The following HIBCH variants were observed in gnomAD, a reference collection of about 807,000 sequenced individuals.
HIBCH encodes 3-hydroxyisobutyryl-CoA hydrolase, also known as 3-hydroxyisobutyryl-CoA hydrolase, mitochondrial.
A neutral mutation model predicts 58.2 loss-of-function variants in HIBCH; 50 were observed. The observed-to-expected ratio is 0.86, with a 90% CI of 0.68 to 1.09. The LOEUF is 1.09. HIBCH is among the 50% of genes least tolerant of loss of function. HIBCH has a pLI of 0.00. For synonymous variants in HIBCH, 151 were observed against 146.9 expected, an observed-to-expected ratio of 1.03 and a Z score of -0.20; for missense variants, 450 against 449.7, an observed-to-expected ratio of 1.00 and a Z score of -0.01.
intron 6 of HIBCH, among the ~76,000 whole-genome samples, chr2:190,274,472 T>C (rs1186081435): frequency 1.3e-5 from 2 of 152,206 alleles, no homozygotes; most frequent in Non-Finnish European, 2.9e-5. Flanking sequence ...TCATTATTTT[T>C]ATTCCATTCC....
In HIBCH at chr2:190,313,666, G is replaced by GAAAAAAT. The variant is rs1688617991; in HGVS notation, c.36-2871_36-2870insATTTTTT. 8.9e-5 allele frequency among the ~76,000 whole-genome samples: 2 copies of GAAAAAAT among 22,474 alleles called. 1 individual carries two copies. The highest frequency in any genetic ancestry group is 3.3e-4 in the African/African-American group (2 of 6,116). 14.7% of individuals were successfully genotyped at this position (22,474 alleles called of 152,430 possible). A position where few individuals can be genotyped will look rare whatever the true frequency, so the allele number is the denominator to read the frequency against. On this transcript the variant is annotated intron_variant, in intron 1 of 13. Coordinates refer to ENST00000359678, the MANE Select transcript of HIBCH (RefSeq NM_014362.4). ...CACAAAAAAAAAAAAAAAAAAAAAG[G>GAAAAAAT]AATCACCTGGAGACTGCTAAAAATT...
At position 190,217,426 on chromosome 2, in the gene HIBCH, G is replaced by A. The variant is rs1685587462; in HGVS notation, c.892-4351C>T. ...TTGAACCCAGGAGATGGAGGTTGCA[G>A]TGAGTTGAGATCACACACTGCACTC... On this transcript the variant is annotated intron_variant, in intron 11 of 13. Coordinates refer to ENST00000359678, the MANE Select transcript of HIBCH (RefSeq NM_014362.4). The surrounding 1 kb of genome is among the most constrained non-coding windows in gnomAD (Gnocchi z 4.6). Among the ~76,000 whole-genome samples the A allele has an allele frequency of 1.3e-5, 2 of 152,160 alleles. No individual in the cohort carries two copies. The highest frequency in any genetic ancestry group is 4.8e-5 in the African/African-American group (2 of 41,424).
chr2:190,317,735 T>C (rs1329119974), intron 1 of HIBCH, among the ~76,000 whole-genome samples: 1 of 152,094 alleles, frequency 6.6e-6, no homozygotes, highest in Non-Finnish European at 1.5e-5. Flanking sequence ...AGAACTTAGG[T>C]AAGTTTGAGA....
intron 11 of HIBCH, among the ~76,000 whole-genome samples, chr2:190,220,793 T>C (rs1685697465): frequency 6.6e-6 from 1 of 152,034 alleles, no homozygotes; most frequent in African/African-American, 2.4e-5. Flanking sequence ...TGGAAGAACT[T>C]CATTGACAAT....
intron 2 of HIBCH, among the ~76,000 whole-genome samples, chr2:190,302,625 G>C (rs145841113): frequency 6.6e-6 from 1 of 152,264 alleles, no homozygotes; most frequent in East Asian, 1.9e-4. Flanking sequence ...TTAACTCTTA[G>C]GGAAGAAAGA....
intron 11 of HIBCH, among the ~76,000 whole-genome samples, chr2:190,240,682 T>C (rs532236215): frequency 1.3e-5 from 2 of 152,354 alleles, no homozygotes; most frequent in South Asian, 2.1e-4. Context: ...TGGTACGTTG[T>C]GTCTTTGTTC....
chr2:190,252,126 T>G, intron 8 of HIBCH, 36 bp downstream of exon 8: 1 of 1,599,356 alleles, frequency 6.3e-7, no homozygotes, highest in Non-Finnish European at 8.6e-7. Context: ...GTGTTGTTAT[T>G]CCAACAATAC....
intron 11 of HIBCH, among the ~76,000 whole-genome samples, chr2:190,228,249 T>C (rs1685974641): frequency 1.3e-5 from 2 of 151,980 alleles, no homozygotes; most frequent in African/African-American, 2.4e-5. Context: ...ATGTCCTTTG[T>C]AGGGACATGG....
rs750664448 is a variant in HIBCH at position 190,207,779 on chromosome 2, G to GC, written c.1045+1100dup. 6.6e-6 allele frequency among the ~76,000 whole-genome samples: 1 copy of GC among 152,128 alleles called. No individual in the cohort carries two copies. The highest frequency in any genetic ancestry group is 1.5e-5 in the Non-Finnish European group (1 of 68,016). On this transcript the variant is annotated intron_variant, in intron 13 of 13. Transcript: ENST00000359678. The surrounding 1 kb of genome is among the most constrained non-coding windows in gnomAD (Gnocchi z 4.5). ...GCTGGTAGTCCCAGCTACTCAGGAG[G>GC]CTGAGGTAGGCAAATCACTTGAACC...
intron 6 of HIBCH, among the ~76,000 whole-genome samples, chr2:190,275,849 A>G (rs1053923609): frequency 6.6e-6 from 1 of 152,242 alleles, no homozygotes; most frequent in African/African-American, 2.4e-5. Flanking sequence ...CAATTCTTTT[A>G]TAATTGGTTC....
At chr2:190,257,158 G>C (rs1268550040) in intron 7 of HIBCH, among the ~76,000 whole-genome samples, 1 of 152,108 alleles carries the variant, frequency 6.6e-6, no homozygotes, top group Non-Finnish European at 1.5e-5. Context: ...TGAAACATGT[G>C]ATCAAGAGAA....
rs1687074374 is a variant in HIBCH at position 190,261,064 on chromosome 2, G to A, written c.517+92C>T. The A allele has an allele frequency of 5.5e-6, 5 of 908,110 alleles. No individual in the cohort carries two copies. In the South Asian group the frequency reaches 5.6e-5, roughly 10 times the overall value. The allele number at this position is 908,110 out of a possible 1,614,324, so 56.3% of individuals were successfully genotyped here. A position where few individuals can be genotyped will look rare whatever the true frequency, so the allele number is the denominator to read the frequency against. On this transcript the variant is annotated intron_variant, in intron 7 of 13. Coordinates refer to ENST00000359678, the MANE Select transcript of HIBCH (RefSeq NM_014362.4). ...TTTCATTGTTGCATCTCACACAAGA[G>A]TCCATCAATTCCTTCAACAACAGTA... is the stretch of plus-strand genomic sequence containing the variant.
chr2:190,277,188 T>C (rs1687576008), intron 6 of HIBCH, among the ~76,000 whole-genome samples: 1 of 152,216 alleles, frequency 6.6e-6, no homozygotes, highest in South Asian at 2.1e-4. Context: ...GGAATAATTT[T>C]ACATAATTCT....
Position 190,304,989 on chromosome 2 carries a change from G to A in HIBCH, c.78+5765C>T, listed in dbSNP as rs1688365724. 6.6e-6 allele frequency among the ~76,000 whole-genome samples: 1 copy of A among 151,982 alleles called. No homozygotes were observed. The highest frequency in any genetic ancestry group is 6.6e-5 in the Admixed American group (1 of 15,260). The stretch of plus-strand genomic sequence containing the variant: ...AGCCTTAAGTCTCTCTAACTGTGTG[G>A]TCTTGTGTAATCTTTATTCCATTGG... On this transcript the variant is annotated intron_variant, in intron 2 of 13. Transcript: ENST00000359678. This position sits in a 1 kb window ranked among gnomAD's most constrained non-coding sequence, Gnocchi z 4.1.
At position 190,310,790 on chromosome 2, in the gene HIBCH, A is replaced by G; in HGVS notation, c.42T>C (p.Asn14=). The change falls in exon 2 of 14, where the codon AAT becomes AAC. Residue 14 remains asparagine, a synonymous_variant. Coordinates refer to ENST00000359678, the MANE Select transcript of HIBCH (RefSeq NM_014362.4). ...GTATGGTATTAGTCCTTTTGAATGC[A>G]TTAAACCTGAAACAAATGTGGAAAA... ...REMWRLMSRF[N]AFKRTNTILH... The G allele has an allele frequency of 1.2e-6, 2 of 1,607,224 alleles. No homozygotes were observed. The highest frequency in any genetic ancestry group is 1.7e-6 in the Non-Finnish European group (2 of 1,173,650).
rs1399395348 is a variant in HIBCH at position 190,281,582 on chromosome 2, G to A, written c.438+6004C>T. Among the ~76,000 whole-genome samples the A allele has an allele frequency of 2.0e-5, 3 of 152,194 alleles. No homozygotes were observed. The highest frequency in any genetic ancestry group is 1.3e-4 in the Admixed American group (2 of 15,282). On this transcript the variant is annotated intron_variant, in intron 6 of 13. Transcript: ENST00000359678. The surrounding 1 kb of genome is among the most constrained non-coding windows in gnomAD (Gnocchi z 5.4). ...TTGTCTTGATATTCCCTTCCATTAA[G>A]TATTACTCTCTTTAGCAAAAATTGC...
intron 6 of HIBCH, among the ~76,000 whole-genome samples, chr2:190,274,796 G>T (rs774779570): frequency 6.6e-6 from 1 of 152,166 alleles, no homozygotes; most frequent in Non-Finnish European, 1.5e-5. Flanking sequence ...GTAAATAAGA[G>T]AAACGATTGT....
At chr2:190,252,125 T>G in intron 8 of HIBCH, 37 bp downstream of exon 8, 1 of 1,599,212 alleles carries the variant, frequency 6.3e-7, no homozygotes, top group South Asian at 1.1e-5. Context: ...TGTGTTGTTA[T>G]TCCAACAATA....
Position 190,214,029 on chromosome 2 carries a change from G to A in HIBCH, c.892-954C>T, listed in dbSNP as rs767554413. The stretch of plus-strand genomic sequence containing the variant: ...TTTCTCACAACCTGGTGGCCCATAC[G>A]GCTATCTCTGTGCCTGTATGGAGTT... On this transcript the variant is annotated intron_variant, in intron 11 of 13. Transcript: ENST00000359678. The surrounding 1 kb of genome is among the most constrained non-coding windows in gnomAD (Gnocchi z 5.5). The A allele has an allele frequency of 1.3e-5, 2 of 152,164 alleles. No individual in the cohort carries two copies. Among genetic ancestry groups the A allele is most frequent in the Non-Finnish European group, 2.9e-5 (2 of 68,066 alleles). The allele number at this position is 152,164 out of a possible 1,614,324, so 9.4% of individuals were successfully genotyped here. A position where few individuals can be genotyped will look rare whatever the true frequency, so the allele number is the denominator to read the frequency against.
Sources: gnomAD v4.1 joint callset for allele counts (sites outside exome capture counted in the v4.1 genomes callset) on GRCh38, gnomAD v4.1.1 for gene constraint, Gnocchi (gnomAD v3.1) non-coding constraint, MANE v1.5 for transcripts, NCBI Gene and HGNC (gene_info 2026-07-23, HGNC 2026-07-21) for gene names.